The following ANXA10 variants were observed in gnomAD, a reference collection of about 807,000 sequenced individuals.
ANXA10 encodes the protein annexin A10.
ANXA10 carries 49 observed loss-of-function variants against 53.5 expected under a neutral mutation model. The observed-to-expected ratio is 0.92, with a 90% CI of 0.73 to 1.16. ANXA10 has a LOEUF of 1.16. Ranked by LOEUF, ANXA10 falls within the 50% of genes most tolerant of loss-of-function variation. ANXA10 has a pLI of 0.00. For synonymous variants in ANXA10, 131 were observed against 128.9 expected (o/e 1.02, Z -0.11); for missense variants, 393 against 394.4 (o/e 1.00, Z 0.03).
rs369337810 is a variant in ANXA10 at position 168,145,134 on chromosome 4, C to T, written c.195+5554C>T. On this transcript the variant is annotated intron_variant, in intron 3 of 11. Transcript: ENST00000359299. ...GTGGGGGCCGCAAGACCAGATGAGC[C>T]AGCTTATCAACCTGGGTGTTGCCAG... 3.2e-4 allele frequency among the ~76,000 whole-genome samples: 48 copies of T among 152,282 alleles called. No homozygotes were observed. The East Asian group carries it at 6.4e-3, about 20-fold the overall frequency.
Position 168,165,273 on chromosome 4 carries a change from A to T in ANXA10, c.427A>T (p.Ile143Phe), listed in dbSNP as rs762017834. The part of the protein sequence containing the change: ...LQYSNNLQED[I>F]YSETSGHFRD... The stretch of plus-strand genomic sequence containing the variant: ...ATACAGCAATAACCTCCAAGAGGAC[A>T]TTTATTCAGAGACCTCAGGACACTT... The change falls in exon 6 of 12, where the codon ATT becomes TTT. Residue 143 changes from isoleucine to phenylalanine, a missense_variant. Coordinates refer to ENST00000359299, the MANE Select transcript of ANXA10 (RefSeq NM_007193.5). 1.3e-6 allele frequency: 2 copies of T among 1,594,620 alleles called. No individual in the cohort carries two copies. The highest frequency in any genetic ancestry group is 1.7e-6 in the Non-Finnish European group (2 of 1,167,394).
intron 3 of ANXA10, among the ~76,000 whole-genome samples, chr4:168,144,385 C>A (rs1366122068): frequency 6.6e-6 from 1 of 152,134 alleles, no homozygotes; most frequent in African/African-American, 2.4e-5. Flanking sequence ...TAGGGATTTG[C>A]CATGTTGGCC....
chr4:168,096,194 A>T (rs147077984), intron 1 of ANXA10, among the ~76,000 whole-genome samples: 2 of 152,168 alleles, frequency 1.3e-5, no homozygotes, highest in Non-Finnish European at 2.9e-5. Context: ...TATTTTCAAG[A>T]CTGTCTTTTC....
chr4:168,121,066 T>C (rs2149468371), intron 1 of ANXA10, among the ~76,000 whole-genome samples: 1 of 152,250 alleles, frequency 6.6e-6, no homozygotes, highest in African/African-American at 2.4e-5. Context: ...TTCTATCTTT[T>C]AAAAATATTT....
At chr4:168,133,785 T>C (rs1731193063) in intron 2 of ANXA10, among the ~76,000 whole-genome samples, 1 of 152,112 alleles carries the variant, frequency 6.6e-6, no homozygotes, top group Non-Finnish European at 1.5e-5. Flanking sequence ...TCATGGCAAA[T>C]TTGTAGAATA....
At chr4:168,101,745 C>CCCATTTAT (rs756703455) in intron 1 of ANXA10, among the ~76,000 whole-genome samples, 176 of 152,168 alleles carry the variant, frequency 1.2e-3, no homozygotes, top group Non-Finnish European at 2.3e-3. Flanking sequence ...TGTATACTAA[C>CCCATTTAT]CCATTTATCT....
chr4:168,097,595 T>G (rs1351764402), intron 1 of ANXA10, among the ~76,000 whole-genome samples: 3 of 151,960 alleles, frequency 2.0e-5, no homozygotes, highest in African/African-American at 4.8e-5. Flanking sequence ...AAAAGGAAAG[T>G]TAAAAAAAAA....
intron 3 of ANXA10, among the ~76,000 whole-genome samples, chr4:168,147,982 C>T: frequency 6.6e-6 from 1 of 152,180 alleles, no homozygotes; most frequent in East Asian, 1.9e-4. Context: ...TGGCTGTGCA[C>T]ACCTCAATCA....
chr4:168,147,015 C>A (rs1305046229), intron 3 of ANXA10, among the ~76,000 whole-genome samples: 1 of 152,296 alleles, frequency 6.6e-6, no homozygotes, highest in Admixed American at 6.5e-5. Context: ...GCCAGTGAAC[C>A]AGGCCATGGC....
At position 168,182,153 on chromosome 4, in the gene ANXA10, T is replaced by A. The variant is rs571443748; in HGVS notation, c.783+412T>A. Among the ~76,000 whole-genome samples, 3 of 152,234 alleles carry A rather than the reference T, an allele frequency of 2.0e-5. No individual in the cohort carries two copies. In the East Asian group the frequency reaches 5.8e-4, roughly 29 times the overall value. On this transcript the variant is annotated intron_variant, in intron 10 of 11. Transcript: ENST00000359299. ...AATTGCCACGTTCGTGAAGTTTCAA[T>A]ACACGAAATTATGTCAATGGATATT... is the stretch of plus-strand genomic sequence containing the variant.
At chr4:168,183,241 C>T (rs953649590) in intron 10 of ANXA10, among the ~76,000 whole-genome samples, 1 of 152,134 alleles carries the variant, frequency 6.6e-6, no homozygotes, top group Admixed American at 6.5e-5. Flanking sequence ...TATTATATAT[C>T]TTCTGCAGTG....
At chr4:168,175,299 G>A (rs1732105442) in intron 6 of ANXA10, among the ~76,000 whole-genome samples, 1 of 152,118 alleles carries the variant, frequency 6.6e-6, no homozygotes, top group Admixed American at 6.5e-5. Flanking sequence ...TTAAATAAAT[G>A]GCATGTAGTC....
In ANXA10 at chr4:168,108,534, C is replaced by T. The variant is rs1017832046; in HGVS notation, c.18+15816C>T. 1.4e-4 allele frequency among the ~76,000 whole-genome samples: 21 copies of T among 152,268 alleles called. No homozygotes were observed. In the Middle Eastern group the frequency reaches 0.01, roughly 74 times the overall value. ...CTTGCCATCTTCTTATCAATCTGCT[C>T]CCTCTTAGAGTTCCTGTCATTCCTT... On this transcript the variant is annotated intron_variant, in intron 1 of 11. Transcript: ENST00000359299.
intron 3 of ANXA10, among the ~76,000 whole-genome samples, chr4:168,155,429 A>C (rs1357206254): frequency 1.3e-5 from 1 of 77,180 alleles, no homozygotes; most frequent in Non-Finnish European, 2.2e-5. Flanking sequence ...TATTATATAT[A>C]ATTATATATA....
chr4:168,177,008 A>C (rs1331589782), intron 6 of ANXA10, among the ~76,000 whole-genome samples: 1 of 152,144 alleles, frequency 6.6e-6, no homozygotes, highest in Non-Finnish European at 1.5e-5. Context: ...TCAAAAAAAG[A>C]AAAATGGTAG....
intron 10 of ANXA10, among the ~76,000 whole-genome samples, chr4:168,182,600 C>G (rs1175198576): frequency 6.7e-6 from 1 of 149,120 alleles, no homozygotes; most frequent in African/African-American, 2.5e-5. Context: ...CCCAAAGTGC[C>G]GGGATTACAG....
intron 3 of ANXA10, among the ~76,000 whole-genome samples, chr4:168,155,397 T>TTATA: frequency 1.2e-5 from 1 of 80,184 alleles, no homozygotes; most frequent in Admixed American, 2.2e-4. Flanking sequence ...GTATTATATA[T>TTATA]TATATATTAT....
At chr4:168,157,047 T>G (rs1430774903) in intron 3 of ANXA10, among the ~76,000 whole-genome samples, 1 of 152,128 alleles carries the variant, frequency 6.6e-6, no homozygotes, top group African/African-American at 2.4e-5. Context: ...CTAAAACTAC[T>G]AAATTACCTG....
intron 3 of ANXA10, among the ~76,000 whole-genome samples, chr4:168,156,312 A>C (rs1731676631): frequency 9.0e-6 from 1 of 110,498 alleles, no homozygotes; most frequent in African/African-American, 3.4e-5. Flanking sequence ...ATATAATAGT[A>C]TATATAATAT....
Sources: gnomAD v4.1 joint callset for allele counts (sites outside exome capture counted in the v4.1 genomes callset) on GRCh38, gnomAD v4.1.1 for gene constraint, MANE v1.5 for transcripts, NCBI Gene and HGNC (gene_info 2026-07-23, HGNC 2026-07-21) for gene names.